DPY19L3: variants seen among roughly 807,000 people sequenced by gnomAD.
The protein encoded by DPY19L3 is dpy-19 like C-mannosyltransferase 3.
In DPY19L3, 51 loss-of-function variants were observed where a neutral mutation model predicts 92.3. That is an observed-to-expected ratio of 0.55 (90% CI 0.44 to 0.70). DPY19L3 has a LOEUF of 0.70. Among genes scored for constraint, DPY19L3 ranks in the 30% least tolerant of loss-of-function variants. DPY19L3 has a pLI of 0.00. For synonymous variants in DPY19L3, 309 were observed against 315.2 expected, an observed-to-expected ratio of 0.98 and a Z score of 0.21; for missense variants, 706 against 855.9, an observed-to-expected ratio of 0.82 and a Z score of 2.18.
chr19:32,461,983 T>C (rs1052755006), intron 12 of DPY19L3, among the ~76,000 whole-genome samples: 2 of 152,228 alleles, frequency 1.3e-5, no homozygotes, highest in African/African-American at 4.8e-5. Flanking sequence ...GCCTGAAACC[T>C]CGGATGGTTT....
At chr19:32,470,837 C>G (rs1458127439) in intron 16 of DPY19L3, among the ~76,000 whole-genome samples, 1 of 68,422 alleles carries the variant, frequency 1.5e-5, no homozygotes, top group Non-Finnish European at 2.7e-5. Flanking sequence ...TTGCCTTGTT[C>G]CAAAAAATTT....
intron 16 of DPY19L3, among the ~76,000 whole-genome samples, chr19:32,476,208 G>C (rs935924566): frequency 1.3e-5 from 2 of 152,120 alleles, no homozygotes; most frequent in African/African-American, 4.8e-5. Flanking sequence ...AATGTGATGA[G>C]GCTTCTCTTA....
At chr19:32,413,497 T>C (rs1239498707) in intron 3 of DPY19L3, among the ~76,000 whole-genome samples, 1 of 151,816 alleles carries the variant, frequency 6.6e-6, no homozygotes, top group East Asian at 1.9e-4. Flanking sequence ...ATGTGCACAA[T>C]GTGCAGGTTA....
intron 3 of DPY19L3, among the ~76,000 whole-genome samples, chr19:32,431,717 CAA>C (rs1968975727): frequency 6.6e-6 from 1 of 152,134 alleles, no homozygotes; most frequent in South Asian, 2.1e-4. Flanking sequence ...GTTCATAAAA[CAA>C]AGTTTGTAGA....
intron 12 of DPY19L3, among the ~76,000 whole-genome samples, chr19:32,461,234 C>T (rs1450465324): frequency 1.3e-5 from 2 of 149,482 alleles, no homozygotes; most frequent in Admixed American, 1.3e-4. Context: ...GCATGGTGTT[C>T]CCTGCCTCAG....
In DPY19L3 at chr19:32,439,117, A is replaced by G; in HGVS notation, c.602A>G (p.Asp201Gly). The change falls in exon 7 of 19, where the codon GAT (aspartate) becomes GGT (glycine). Residue 201 changes from aspartate to glycine, a missense_variant. Transcript: ENST00000392250. ...TTGTGTTTTCTTTTGTGCAGAATAG[A>G]TACCACAAGAGTTGAGTTTACCATC... ...AAFWYVTNRI[D>G]TTRVEFTIPL... 1 of 1,611,750 alleles carries G rather than the reference A, an allele frequency of 6.2e-7. No homozygotes were observed. Among genetic ancestry groups the G allele is most frequent in the Non-Finnish European group, 8.5e-7 (1 of 1,178,790 alleles).
chr19:32,413,496 A>G (rs1003676704), intron 3 of DPY19L3, among the ~76,000 whole-genome samples: 3 of 151,654 alleles, frequency 2.0e-5, no homozygotes, highest in Admixed American at 6.6e-5. Context: ...CATGTGCACA[A>G]TGTGCAGGTT....
At chr19:32,431,073 A>G (rs1017287241) in intron 3 of DPY19L3, among the ~76,000 whole-genome samples, 6 of 152,266 alleles carry the variant, frequency 3.9e-5, no homozygotes, top group Admixed American at 3.9e-4. Flanking sequence ...GTGGAATGTG[A>G]ATCTGCTATA....
intron 14 of DPY19L3, 77 bp downstream of exon 14, chr19:32,464,057 A>G: frequency 1.2e-6 from 1 of 865,112 alleles, no homozygotes; most frequent in South Asian, 2.1e-5. Flanking sequence ...TTTGTTTTTC[A>G]GTAGCTGTGA....
intron 1 of DPY19L3, among the ~76,000 whole-genome samples, chr19:32,408,005 G>T (rs1475378401): frequency 6.6e-6 from 1 of 152,086 alleles, no homozygotes; most frequent in African/African-American, 2.4e-5. Context: ...GATCACCTGA[G>T]CCTGTGGAAG....
At position 32,430,185 on chromosome 19, in the gene DPY19L3, TCAAGACCAGCCTGGG is replaced by T. The variant is rs1968912980; in HGVS notation, c.238-2527_238-2513del. On this transcript the variant is annotated intron_variant, in intron 3 of 18. Transcript: ENST00000392250. Reference sequence around the variant, plus strand: ...AGGAGGATCACTTAAGCTCAGGAGTTCAAGACCAGCCTGGGCAACATGGCAAAACCCTACCTCTAC... The same window carrying T: ...AGGAGGATCACTTAAGCTCAGGAGTTCAACATGGCAAAACCCTACCTCTAC... Among the ~76,000 whole-genome samples, 7 of 152,104 alleles carry T rather than the reference TCAAGACCAGCCTGGG, an allele frequency of 4.6e-5. No homozygotes were observed. The South Asian group carries it at 1.5e-3, about 32-fold the overall frequency.
At chr19:32,438,245 C>A (rs1969208753) in intron 6 of DPY19L3, among the ~76,000 whole-genome samples, 1 of 152,068 alleles carries the variant, frequency 6.6e-6, no homozygotes, top group African/African-American at 2.4e-5. Context: ...TAAGTCTAAG[C>A]AAATTACGTG....
At chr19:32,453,024 A>G in intron 8 of DPY19L3, 121 bp from the exon 9 acceptor site, 1 of 1,195,640 alleles carries the variant, frequency 8.4e-7, no homozygotes, top group Non-Finnish European at 1.2e-6. Flanking sequence ...TGTTTCTTGA[A>G]TCTACATGTG....
At chr19:32,435,871 A>G (rs1314409977) in intron 4 of DPY19L3, among the ~76,000 whole-genome samples, 1 of 152,172 alleles carries the variant, frequency 6.6e-6, no homozygotes, top group East Asian at 1.9e-4. Flanking sequence ...TTCTCATGAC[A>G]TGTCTGCTGT....
At chr19:32,435,084 T>C (rs763263578) in intron 4 of DPY19L3, among the ~76,000 whole-genome samples, 1 of 152,124 alleles carries the variant, frequency 6.6e-6, no homozygotes, top group South Asian at 2.1e-4. Flanking sequence ...TTGGTTTCTA[T>C]TGAGGCCTCT....
intron 2 of DPY19L3, among the ~76,000 whole-genome samples, chr19:32,410,339 G>T (rs1322556603): frequency 6.6e-6 from 1 of 152,068 alleles, no homozygotes; most frequent in Non-Finnish European, 1.5e-5. Context: ...TTCATCTTAT[G>T]TTAAGGGTAT....
At chr19:32,438,100 T>C (rs1445609712) in intron 6 of DPY19L3, among the ~76,000 whole-genome samples, 1 of 152,204 alleles carries the variant, frequency 6.6e-6, no homozygotes, top group Admixed American at 6.5e-5. Context: ...TTATAAGCAG[T>C]AGAGCCTTAT....
Position 32,411,311 on chromosome 19 carries a change from T to C in DPY19L3, c.176T>C (p.Leu59Pro), listed in dbSNP as rs1599581793. ...IGGTIALCIG[L>P]LTSVYLATLH... ...GGAACCATTGCCCTTTGCATTGGACTTCTTACATCTGTCTACCTTGCCACG... is the reference window on the plus strand; with the variant it reads ...GGAACCATTGCCCTTTGCATTGGACCTCTTACATCTGTCTACCTTGCCACG... Residue 59 changes from leucine to proline, a missense_variant, in exon 3 of 19, where the codon CTT (leucine) becomes CCT (proline). Physicochemically the swap from Leu to Pro is moderately conservative, Grantham distance 98 (BLOSUM62 -3). Transcript: ENST00000392250. 6.2e-7 allele frequency: 1 copy of C among 1,613,988 alleles called. No individual in the cohort carries two copies. Among genetic ancestry groups the C allele is most frequent in the South Asian group, 1.1e-5 (1 of 91,070 alleles).
At chr19:32,427,788 C>T (rs978718649) in intron 3 of DPY19L3, among the ~76,000 whole-genome samples, 2 of 152,030 alleles carry the variant, frequency 1.3e-5, no homozygotes, top group Admixed American at 6.6e-5. Context: ...AATATGTTTG[C>T]TGAGGGCATG....
Sources: allele counts gnomAD v4.1 joint callset (sites outside exome capture counted in the v4.1 genomes callset), GRCh38; gene constraint gnomAD v4.1.1; transcripts MANE v1.5; gene names NCBI Gene and HGNC (gene_info 2026-07-23, HGNC 2026-07-21).